LY6S: variants seen among roughly 807,000 people sequenced by gnomAD.
The protein encoded by LY6S is lymphocyte antigen 6S.
the LY6S span, among the ~76,000 whole-genome samples, chr8:143,067,207 T>G: frequency 6.6e-6 from 1 of 152,218 alleles, no homozygotes; most frequent in African/African-American, 2.4e-5. Flanking sequence ...TGTGTCTACG[T>G]AGAAAAGGAA....
At chr8:143,062,159 T>C in the LY6S span, among the ~76,000 whole-genome samples, 1 of 152,216 alleles carries the variant, frequency 6.6e-6, no homozygotes, top group Admixed American at 6.5e-5. Flanking sequence ...TATATTTGCA[T>C]ATGGGGAGAA....
At chr8:143,051,982 A>G in the LY6S span, among the ~76,000 whole-genome samples, 10 of 147,530 alleles carry the variant, frequency 6.8e-5, no homozygotes, top group African/African-American at 2.0e-4. Context: ...AAAAAAAAAA[A>G]AGAAAAGAAA....
At chr8:143,051,495 C>T in the LY6S span, among the ~76,000 whole-genome samples, 6 of 151,496 alleles carry the variant, frequency 4.0e-5, no homozygotes, top group Admixed American at 2.0e-4. Flanking sequence ...GACCCAAGAT[C>T]GCACCATTGC....
At chr8:143,070,435 A>T in the LY6S span, among the ~76,000 whole-genome samples, 37 of 91,224 alleles carry the variant, frequency 4.1e-4, 1 homozygote, top group African/African-American at 2.2e-3. Flanking sequence ...TATATATATT[A>T]TATATATATT....
the LY6S span, chr8:143,044,207 C>T: frequency 2.2e-6 from 1 of 456,294 alleles, no homozygotes. Context: ...TGAATGCTCA[C>T]AGCCTGCGCC....
the LY6S span, among the ~76,000 whole-genome samples, chr8:143,046,770 C>T: frequency 6.6e-6 from 1 of 152,032 alleles, no homozygotes; most frequent in East Asian, 1.9e-4. Flanking sequence ...GAGACCGAGG[C>T]AGGTGAATCA....
At chr8:143,044,940 C>A in the LY6S span, 3 of 827,670 alleles carry the variant, frequency 3.6e-6, no homozygotes, top group Non-Finnish European at 4.9e-6. Flanking sequence ...TTTGCAATAG[C>A]CCCACACACC....
chr8:143,072,042 G>T, the LY6S span, among the ~76,000 whole-genome samples: 1 of 152,184 alleles, frequency 6.6e-6, no homozygotes, highest in Non-Finnish European at 1.5e-5. Context: ...ATTGCAGTTG[G>T]CAGCAATTCC....
At chr8:143,054,126 G>A in the LY6S span, 1 of 152,074 alleles carries the variant, frequency 6.6e-6, no homozygotes, top group African/African-American at 2.4e-5. Context: ...CTAACACAGT[G>A]AAACCCCTCC....
the LY6S span, chr8:143,066,040 CA>C: frequency 2.6e-6 from 1 of 387,462 alleles, no homozygotes; most frequent in African/African-American, 2.2e-5. Context: ...GCACAACCTA[CA>C]CAAGAAAGTA....
the LY6S span, among the ~76,000 whole-genome samples, chr8:143,068,118 G>A: frequency 4.6e-5 from 7 of 152,188 alleles, no homozygotes; most frequent in African/African-American, 1.7e-4. Flanking sequence ...GGGAAACCTT[G>A]GTCAATACGC....
the LY6S span, chr8:143,044,239 G>A: frequency 2.2e-6 from 1 of 456,224 alleles, no homozygotes; most frequent in Non-Finnish European, 4.4e-6. Context: ...GAGCTGGTGA[G>A]ACCCGCGGCA....
chr8:143,057,589 A>G, the LY6S span: 3 of 1,289,638 alleles, frequency 2.3e-6, no homozygotes, highest in African/African-American at 2.9e-5. Flanking sequence ...TATCATCCTC[A>G]TGCTGAATGA....
At chr8:143,065,435 C>G in the LY6S span, among the ~76,000 whole-genome samples, 2 of 152,208 alleles carry the variant, frequency 1.3e-5, no homozygotes, top group Non-Finnish European at 2.9e-5. Context: ...TGTTCTGCCC[C>G]CTTTGCCTGA....
the LY6S span, among the ~76,000 whole-genome samples, chr8:143,072,831 G>C: frequency 5.0e-4 from 66 of 132,266 alleles, no homozygotes; most frequent in Middle Eastern, 4.2e-3. Flanking sequence ...CGGGATTCCT[G>C]TTTGAGGAGA....
At chr8:143,049,373 G>T in the LY6S span, 1 of 479,186 alleles carries the variant, frequency 2.1e-6, no homozygotes. Context: ...ATGAAAAGTG[G>T]TCAGAGAGTG....
chr8:143,069,689 C>G, the LY6S span, among the ~76,000 whole-genome samples: 1 of 152,202 alleles, frequency 6.6e-6, no homozygotes, highest in Non-Finnish European at 1.5e-5. Context: ...CTTTGCCTTT[C>G]CCCCCACATT....
chr8:143,063,257 A>G, the LY6S span, among the ~76,000 whole-genome samples: 1 of 152,158 alleles, frequency 6.6e-6, no homozygotes, highest in Non-Finnish European at 1.5e-5. Context: ...TCTGGGGGTC[A>G]CTCTTACCCA....
At chr8:143,073,940 CCCCGGGG>C in the LY6S span, among the ~76,000 whole-genome samples, 5 of 150,548 alleles carry the variant, frequency 3.3e-5, no homozygotes, top group South Asian at 2.1e-4. Context: ...CAGCCGTCGT[CCCCGGGG>C]TCCCTGTTTG....
Sources: gnomAD v4.1 joint callset for allele counts (sites outside exome capture counted in the v4.1 genomes callset) on GRCh38, gnomAD v4.1.1 for gene constraint, MANE v1.5 for transcripts, NCBI Gene and HGNC (gene_info 2026-07-23, HGNC 2026-07-21) for gene names.